Variants in CNPY3 observed in about 807,000 individuals in gnomAD.
CNPY3 encodes the protein canopy FGF signaling regulator 3, also known as protein canopy homolog 3.
CNPY3 carries 20 observed loss-of-function variants against 32.0 expected under a neutral mutation model. The ratio of observed to expected loss-of-function variants is 0.63; its 90% CI spans 0.44 to 0.91. The LOEUF is 0.91. CNPY3 is among the 40% of genes least tolerant of loss of function. The probability of loss-of-function intolerance (pLI) is 0.00; values close to 1 mark genes in which losing one functional copy is unlikely to be tolerated. For synonymous variants in CNPY3, 138 were observed against 142.9 expected, an observed-to-expected ratio of 0.97 and a Z score of 0.24; for missense variants, 299 against 340.8, an observed-to-expected ratio of 0.88 and a Z score of 0.97.
intron 1 of CNPY3, among the ~76,000 whole-genome samples, chr6:42,934,183 G>C (rs146293622): frequency 6.6e-6 from 1 of 151,986 alleles, no homozygotes; most frequent in East Asian, 1.9e-4. Flanking sequence ...AAGAACAATT[G>C]CTTAAGGGCA....
In CNPY3 at chr6:42,938,149, G is replaced by C; in HGVS notation, c.555G>C (p.Gln185His). 1 of 1,614,186 alleles carries C rather than the reference G, an allele frequency of 6.2e-7. No homozygotes were observed. Among genetic ancestry groups the C allele is most frequent in the Non-Finnish European group, 8.5e-7 (1 of 1,180,032 alleles). Residue 185 changes from glutamine (Q) to histidine (H), a missense_variant, in exon 5 of 6, where the codon CAG becomes CAC. Coordinates refer to ENST00000372836, the MANE Select transcript of CNPY3 (RefSeq NM_006586.5). ...EVIEDWYRNH[Q>H]EEDLTEFLCA... ...TCGAGGACTGGTACAGGAACCACCA[G>C]GAGGAAGACCTGACTGAATTCCTCT...
chr6:42,936,210 T>A (rs1052221493), intron 3 of CNPY3, among the ~76,000 whole-genome samples: 1 of 152,168 alleles, frequency 6.6e-6, no homozygotes, highest in African/African-American at 2.4e-5. Context: ...TGGCACAGGG[T>A]AAGATAGTTG....
At chr6:42,929,218 C>G (rs576593569), upstream of CNPY3, 2 of 198,554 alleles carry the variant, frequency 1.0e-5, no homozygotes, top group Non-Finnish European at 2.0e-5. Context: ...CTTCTCGGGT[C>G]TTGGTCCTGC....
intron 1 of CNPY3, among the ~76,000 whole-genome samples, chr6:42,930,277 G>A: frequency 6.6e-6 from 1 of 152,172 alleles, no homozygotes; most frequent in Non-Finnish European, 1.5e-5. Flanking sequence ...AATCTGTGTA[G>A]TTGTCTGTTG....
In CNPY3 at chr6:42,937,849, C is replaced by G; in HGVS notation, c.495+10C>G. 2 of 1,614,036 alleles carry G rather than the reference C, an allele frequency of 1.2e-6. No individual in the cohort carries two copies. The highest frequency in any genetic ancestry group is 1.7e-6 in the Non-Finnish European group (2 of 1,179,982). On this transcript the variant is annotated intron_variant, in intron 4 of 5. Transcript: ENST00000372836. ...TGACCTCAAGAAGCAGGTACAGGCCCTTCAGCCCTTGGAAGGGTTGCTGTG... is the reference window on the plus strand; with the variant it reads ...TGACCTCAAGAAGCAGGTACAGGCCGTTCAGCCCTTGGAAGGGTTGCTGTG...
chr6:42,930,434 G>A (rs1767707625), intron 1 of CNPY3, among the ~76,000 whole-genome samples: 1 of 152,186 alleles, frequency 6.6e-6, no homozygotes, highest in African/African-American at 2.4e-5. Context: ...ATCTGGATCT[G>A]AGGAGCCCTT....
chr6:42,930,770 C>A (rs951036506), intron 1 of CNPY3, among the ~76,000 whole-genome samples: 2 of 152,158 alleles, frequency 1.3e-5, no homozygotes, highest in Non-Finnish European at 2.9e-5. Flanking sequence ...GGGTAAGTTT[C>A]GGACACATAA....
Position 42,938,185 on chromosome 6 carries a change from C to T in CNPY3, c.591C>T (p.His197=), listed in dbSNP as rs1479013560. 2.5e-6 allele frequency: 4 copies of T among 1,613,882 alleles called. No homozygotes were observed. The highest frequency in any genetic ancestry group is 4.5e-5 in the East Asian group (2 of 44,884). ...TGACTGAATTCCTCTGCGCCAACCA[C>T]GTGCTGAAGGGAAAAGACACCAGTG... ...EDLTEFLCAN[H]VLKGKDTSCL... is the part of the protein sequence containing the mutation. The change falls in exon 5 of 6, where the codon CAC becomes CAT. Residue 197 remains histidine, a synonymous_variant. Coordinates refer to ENST00000372836, the MANE Select transcript of CNPY3 (RefSeq NM_006586.5).
At chr6:42,935,259 G>A (rs1768135236) in intron 2 of CNPY3, among the ~76,000 whole-genome samples, 1 of 152,084 alleles carries the variant, frequency 6.6e-6, no homozygotes, top group Non-Finnish European at 1.5e-5. Flanking sequence ...AATTCTGTCA[G>A]CTGTGATCAT....
In CNPY3 at chr6:42,929,545, C is replaced by T. The variant is rs1176931764; in HGVS notation, c.-26C>T. On this transcript the variant is annotated 5_prime_UTR_variant, in exon 1 of 6. Transcript: ENST00000372836. Reference sequence around the variant, plus strand: ...CCGCGGGAGGAGGAACCGCCCGGTCCTTTAGGGTCCGGGCCCGGCCGGGCC... The same window carrying T: ...CCGCGGGAGGAGGAACCGCCCGGTCTTTTAGGGTCCGGGCCCGGCCGGGCC... 3 of 1,555,830 alleles carry T rather than the reference C, an allele frequency of 1.9e-6. No homozygotes were observed. Among genetic ancestry groups the T allele is most frequent in the South Asian group, 1.2e-5 (1 of 85,786 alleles).
chr6:42,937,745 A>G lies in CNPY3; in HGVS notation c.401A>G (p.His134Arg), dbSNP rs776648420. The stretch of plus-strand genomic sequence containing the variant: ...ATGTCAGAGACCTTTGAGACATTAC[A>G]CAACCTGGTACACAAAGGGGTCAAG... ...KGMSETFETL[H>R]NLVHKGVKVV... is the part of the protein sequence containing the mutation. The change falls in exon 4 of 6, where the codon CAC becomes CGC. Residue 134 changes from histidine to arginine, a missense_variant. His to Arg is a conservative substitution (Grantham distance 29, BLOSUM62 0). Coordinates refer to ENST00000372836, the MANE Select transcript of CNPY3 (RefSeq NM_006586.5). 3 of 1,614,110 alleles carry G rather than the reference A, an allele frequency of 1.9e-6. No individual in the cohort carries two copies. The highest frequency in any genetic ancestry group is 2.5e-6 in the Non-Finnish European group (3 of 1,179,996).
chr6:42,938,026 T>C, intron 4 of CNPY3, 64 bp from the exon 5 acceptor site: 1 of 1,511,986 alleles, frequency 6.6e-7, no homozygotes, highest in Non-Finnish European at 9.2e-7. Flanking sequence ...GAGGCTTAGC[T>C]GAGCTCCTCT....
Position 42,929,527 on chromosome 6 carries a change from A to G in CNPY3, c.-44A>G. On this transcript the variant is annotated 5_prime_UTR_variant, in exon 1 of 6. Transcript: ENST00000372836. ...GAAACTGCTCCGCGCGCGCCGCGGG[A>G]GGAGGAACCGCCCGGTCCTTTAGGG... is the stretch of plus-strand genomic sequence containing the variant. The G allele has an allele frequency of 2.6e-6, 4 of 1,512,790 alleles. No individual in the cohort carries two copies. Among genetic ancestry groups the G allele is most frequent in the East Asian group, 2.4e-5 (1 of 42,452 alleles). 93.7% of individuals were successfully genotyped at this position (1,512,790 alleles called of 1,614,324 possible).
chr6:42,936,751 G>T (rs1190626281), intron 3 of CNPY3, among the ~76,000 whole-genome samples: 3 of 152,104 alleles, frequency 2.0e-5, no homozygotes, highest in Non-Finnish European at 4.4e-5. Flanking sequence ...TGGCCAGGGG[G>T]TCTCGAACTC....
upstream of CNPY3, chr6:42,929,197 G>A: frequency 7.2e-6 from 1 of 138,484 alleles, no homozygotes; most frequent in East Asian, 1.5e-4. Context: ...CCCAGGCCCA[G>A]ACGCAGGCTT....
upstream of CNPY3, chr6:42,929,467 C>G (rs773458922): frequency 4.0e-6 from 5 of 1,243,592 alleles, no homozygotes; most frequent in South Asian, 4.7e-5. Context: ...CGTGGTTGCT[C>G]GGAGGCACGT....
chr6:42,929,532 G>A lies in CNPY3; in HGVS notation c.-39G>A. ...TGCTCCGCGCGCGCCGCGGGAGGAGGAACCGCCCGGTCCTTTAGGGTCCGG... is the reference window on the plus strand; with the variant it reads ...TGCTCCGCGCGCGCCGCGGGAGGAGAAACCGCCCGGTCCTTTAGGGTCCGG... On this transcript the variant is annotated 5_prime_UTR_variant, in exon 1 of 6. Coordinates refer to ENST00000372836, the MANE Select transcript of CNPY3 (RefSeq NM_006586.5). 2.6e-6 allele frequency: 4 copies of A among 1,522,200 alleles called. No individual in the cohort carries two copies. In the East Asian group the frequency reaches 7.0e-5, roughly 27 times the overall value. The allele number at this position is 1,522,200 out of a possible 1,614,324, so 94.3% of individuals were successfully genotyped here. A position where few individuals can be genotyped will look rare whatever the true frequency, so the allele number is the denominator to read the frequency against.
At chr6:42,930,895 C>CTT (rs376550580) in intron 1 of CNPY3, among the ~76,000 whole-genome samples, 9 of 146,262 alleles carry the variant, frequency 6.2e-5, no homozygotes, top group African/African-American at 1.7e-4. Context: ...TCTTTTTTTC[C>CTT]TTTTTTTTTT....
chr6:42,934,730 C>G (rs1023399087), intron 2 of CNPY3, 132 bp downstream of exon 2: 2 of 1,207,744 alleles, frequency 1.7e-6, no homozygotes, highest in African/African-American at 1.5e-5. Context: ...AGTTTGCCCA[C>G]TGATTCTGTC....
Sources: allele counts gnomAD v4.1 joint callset (sites outside exome capture counted in the v4.1 genomes callset), GRCh38; gene constraint gnomAD v4.1.1; transcripts MANE v1.5; gene names NCBI Gene and HGNC (gene_info 2026-07-23, HGNC 2026-07-21).